The following UPF2 variants were observed in gnomAD, a reference collection of about 807,000 sequenced individuals.
The protein encoded by UPF2 is UPF2 regulator of nonsense mediated mRNA decay.
Under a neutral mutation model 141.4 loss-of-function variants are expected in UPF2, and 17 were observed. The observed-to-expected ratio is 0.12, with a 90% CI of 0.08 to 0.18. The LOEUF is 0.18. Ranked by LOEUF, UPF2 falls within the 10% of genes least tolerant of loss-of-function variation. The probability of loss-of-function intolerance (pLI) is 1.00; values close to 1 mark genes in which losing one functional copy is unlikely to be tolerated. For missense variants in UPF2, 1,152 were observed against 1,515.9 expected (o/e 0.76, Z 3.99); for synonymous variants, 540 against 498.0 (o/e 1.08, Z -1.12).
chr10:11,946,940 G>T (rs536697792), intron 16 of UPF2, among the ~76,000 whole-genome samples: 1 of 152,228 alleles, frequency 6.6e-6, no homozygotes, highest in East Asian at 1.9e-4. Flanking sequence ...TGCGGCTCAC[G>T]CCTGTACTCC....
chr10:11,962,210 C>A (rs2131198464), intron 11 of UPF2, among the ~76,000 whole-genome samples: 1 of 152,290 alleles, frequency 6.6e-6, no homozygotes, highest in Middle Eastern at 3.4e-3. Flanking sequence ...ATACCCCAAA[C>A]TAATTTTAAC....
Position 11,997,293 on chromosome 10 carries a change from G to A in UPF2, c.1844+379C>T, listed in dbSNP as rs139270612. On this transcript the variant is annotated intron_variant, in intron 8 of 21. Coordinates refer to ENST00000357604, the MANE Select transcript of UPF2 (RefSeq NM_015542.4). ...AAATTTTTCATTTAAACATAAATCT[G>A]AGAACTAAATATATTACATTACCCT... Among the ~76,000 whole-genome samples, 1,354 of 152,016 alleles carry A rather than the reference G, an allele frequency of 8.9e-3. 26 individuals are homozygous for A. Among genetic ancestry groups the A allele is most frequent in the African/African-American group, 0.031 (1,279 of 41,448 alleles).
At chr10:11,946,944 G>A (rs1291605434) in intron 16 of UPF2, among the ~76,000 whole-genome samples, 3 of 152,234 alleles carry the variant, frequency 2.0e-5, no homozygotes, top group Non-Finnish European at 4.4e-5. Flanking sequence ...GCTCACGCCT[G>A]TACTCCCAGC....
intron 8 of UPF2, among the ~76,000 whole-genome samples, chr10:11,994,836 C>T (rs541477294): frequency 5.3e-5 from 8 of 151,578 alleles, no homozygotes; most frequent in African/African-American, 1.7e-4. Context: ...ATTAGCCGGG[C>T]GTGGTGGCAG....
chr10:11,934,905 T>C (rs530270522), intron 19 of UPF2, among the ~76,000 whole-genome samples: 1 of 152,144 alleles, frequency 6.6e-6, no homozygotes, highest in South Asian at 2.1e-4. Flanking sequence ...ACAATTCTAA[T>C]TGGTATATAG....
At chr10:11,929,616 G>A (rs147961279) in intron 21 of UPF2, among the ~76,000 whole-genome samples, 1 of 152,074 alleles carries the variant, frequency 6.6e-6, no homozygotes, top group East Asian at 1.9e-4. Context: ...ACTTCAGCCT[G>A]GACGACAGAG....
chr10:11,952,781 T>C (rs1431344122), intron 14 of UPF2, among the ~76,000 whole-genome samples: 1 of 152,098 alleles, frequency 6.6e-6, no homozygotes, highest in Non-Finnish European at 1.5e-5. Flanking sequence ...GCCCTAGATA[T>C]CTTTTTATTA....
chr10:12,000,873 A>C (rs911553592), intron 6 of UPF2, among the ~76,000 whole-genome samples: 2 of 152,210 alleles, frequency 1.3e-5, no homozygotes, highest in Non-Finnish European at 2.9e-5. Flanking sequence ...TTAGGGAATA[A>C]ATGTAATATT....
intron 9 of UPF2, among the ~76,000 whole-genome samples, chr10:11,968,128 A>G (rs1437764283): frequency 6.6e-6 from 1 of 152,090 alleles, no homozygotes; most frequent in Non-Finnish European, 1.5e-5. Flanking sequence ...GCAGTGAGCC[A>G]AGATCATGCC....
chr10:11,948,000 C>A (rs993180843), intron 16 of UPF2, among the ~76,000 whole-genome samples: 2 of 151,858 alleles, frequency 1.3e-5, no homozygotes, highest in African/African-American at 4.8e-5. Flanking sequence ...GCAATTCCAG[C>A]ACTTTGGGAG....
At chr10:11,941,180 C>T (rs934573660) in intron 18 of UPF2, among the ~76,000 whole-genome samples, 4 of 152,172 alleles carry the variant, frequency 2.6e-5, no homozygotes, top group Non-Finnish European at 4.4e-5. Context: ...CTGTTAAGCA[C>T]ACAATAGGTA....
intron 3 of UPF2, among the ~76,000 whole-genome samples, chr10:12,025,097 G>C (rs548209074): frequency 6.6e-6 from 1 of 152,238 alleles, no homozygotes; most frequent in African/African-American, 2.4e-5. Context: ...CTTTTGCTCA[G>C]TCACGTATCT....
intron 10 of UPF2, among the ~76,000 whole-genome samples, chr10:11,966,049 T>C (rs1833315118): frequency 6.6e-6 from 1 of 152,246 alleles, no homozygotes; most frequent in Non-Finnish European, 1.5e-5. Context: ...TTTAATTCTA[T>C]TTGGACAAAA....
rs1185265208 is a variant in UPF2 at position 11,997,726 on chromosome 10, G to A, written c.1790C>T (p.Thr597Ile). The change falls in exon 8 of 22, where the codon ACA (threonine) becomes ATA (isoleucine). Residue 597 changes from threonine (T) to isoleucine (I), a missense_variant. Thr to Ile is a moderately conservative substitution (Grantham distance 89). Transcript: ENST00000357604. The stretch of plus-strand genomic sequence containing the variant: ...TACCAACTTCTTCCTGTTTGCTTTT[G>A]TGTTCATGTTCATGCAAAAATCCAT... ...AAMDFCMNMN[T>I]KANRKKLVRA... The A allele has an allele frequency of 6.2e-7, 1 of 1,613,664 alleles. No individual in the cohort carries two copies. Among genetic ancestry groups the A allele is most frequent in the African/African-American group, 1.3e-5 (1 of 74,902 alleles).
chr10:12,007,629 G>T (rs998626426), intron 4 of UPF2, among the ~76,000 whole-genome samples: 34 of 151,888 alleles, frequency 2.2e-4, no homozygotes, highest in African/African-American at 8.0e-4. Context: ...AGGAGATCGA[G>T]ACTATCCTAG....
chr10:11,942,255 C>G (rs1180516732), intron 18 of UPF2, among the ~76,000 whole-genome samples: 1 of 152,148 alleles, frequency 6.6e-6, no homozygotes, highest in East Asian at 1.9e-4. Context: ...TGCCTGTAAT[C>G]CCAGCTACTA....
rs1832844964 is a variant in UPF2 at position 11,936,011 on chromosome 10, T to C, written c.3546+534A>G. Among the ~76,000 whole-genome samples, 1 of 152,166 alleles carries C rather than the reference T, an allele frequency of 6.6e-6. No homozygotes were observed. Among genetic ancestry groups the C allele is most frequent in the South Asian group, 2.1e-4 (1 of 4,824 alleles). On this transcript the variant is annotated intron_variant, in intron 19 of 21. Coordinates refer to ENST00000357604, the MANE Select transcript of UPF2 (RefSeq NM_015542.4). This position sits in a 1 kb window ranked among gnomAD's most constrained non-coding sequence, Gnocchi z 6.6. ...CCTCCTTTCCTTCCCCGCCTGGGGC[T>C]TGCTTGTGGAAGTTTGTGCTAGAAG... is the stretch of plus-strand genomic sequence containing the variant.
intron 6 of UPF2, 99 bp downstream of exon 6, chr10:12,001,577 A>T: frequency 8.2e-7 from 1 of 1,218,114 alleles, no homozygotes; most frequent in South Asian, 1.8e-5. Context: ...ACAAGGAATT[A>T]AAAAATACAG....
chr10:12,018,733 CAG>C (rs1186528473), intron 3 of UPF2, among the ~76,000 whole-genome samples: 2 of 152,032 alleles, frequency 1.3e-5, no homozygotes, highest in Non-Finnish European at 1.5e-5. Flanking sequence ...GCCTGGGTGA[CAG>C]AGTGAGACCC....
Sources: allele counts gnomAD v4.1 joint callset (sites outside exome capture counted in the v4.1 genomes callset), GRCh38; gene constraint gnomAD v4.1.1; non-coding constraint Gnocchi (gnomAD v3.1); transcripts MANE v1.5; gene names NCBI Gene and HGNC (gene_info 2026-07-23, HGNC 2026-07-21).